NAV2: variants seen among roughly 807,000 people sequenced by gnomAD.
NAV2 encodes the protein neuron navigator 2, also known as helicase, APC down-regulated 1.
Under a neutral mutation model 223.2 loss-of-function variants are expected in NAV2, and 54 were observed. The observed-to-expected ratio is 0.24, with a 90% confidence interval of 0.19 to 0.30. The LOEUF (loss-of-function observed/expected upper bound fraction) is 0.30, where lower values mean the gene tolerates loss of function less well. Among genes scored for constraint, NAV2 ranks in the 10% least tolerant of loss-of-function variants. The pLI is 1.00. For synonymous variants in NAV2, 1,279 were observed against 1,239.3 expected, an observed-to-expected ratio of 1.03 and a Z score of -0.67; for missense variants, 2,806 against 3,147.5, an observed-to-expected ratio of 0.89 and a Z score of 2.60.
chr11:19,354,737 A>G (rs2133733762), intron 1 of NAV2, among the ~76,000 whole-genome samples: 1 of 152,312 alleles, frequency 6.6e-6, no homozygotes, highest in East Asian at 1.9e-4. Context: ...TCTTGCCCCA[A>G]GAGGATGAGC....
At chr11:19,423,955 C>T (rs1365648655) in intron 1 of NAV2, among the ~76,000 whole-genome samples, 2 of 152,138 alleles carry the variant, frequency 1.3e-5, no homozygotes, top group African/African-American at 2.4e-5. Flanking sequence ...TAGATCCAAG[C>T]CCACTCCCCA....
rs542714907 is a variant in NAV2, at chr11:20,087,191, C to T, written c.5499-3674C>T. Among the ~76,000 whole-genome samples, 7 of 152,098 alleles carry T rather than the reference C, an allele frequency of 4.6e-5. No homozygotes were observed. In the East Asian group the frequency reaches 7.7e-4, roughly 17 times the overall value. On this transcript the variant is annotated intron_variant, in intron 26 of 37. Transcript: ENST00000349880. The stretch of plus-strand genomic sequence containing the variant: ...AGGAACGGGGCCAGATGCTGCTGGG[C>T]GGCCAAGTAAGATGAGCAGAGAGAG...
intron 1 of NAV2, among the ~76,000 whole-genome samples, chr11:19,782,745 T>C (rs1398946114): frequency 1.3e-5 from 2 of 152,132 alleles, no homozygotes; most frequent in Non-Finnish European, 2.9e-5. Flanking sequence ...CTGTTTCTAA[T>C]ATAAGAGCAA....
intron 3 of NAV2, among the ~76,000 whole-genome samples, chr11:19,853,358 G>T (rs72633000): frequency 0.15 from 22,549 of 152,190 alleles, 1,737 homozygotes; most frequent in African/African-American, 0.18. Flanking sequence ...AAAGTTAATA[G>T]GAGGGAATCC....
Position 20,044,038 on chromosome 11 carries a change from G to A in NAV2, c.2965G>A (p.Val989Ile). ...GAATTCCCTGTGGTCTGGTGATGAT[G>A]TCAAGAAATCAGACGGAGGCTCAGA... ...ERNSLWSGDDVKKSDGGSDSG... is the reference protein window; with the variant it reads ...ERNSLWSGDDIKKSDGGSDSG... The change falls in exon 13 of 38, where the codon GTC (valine) becomes ATC (isoleucine). Residue 989 changes from valine to isoleucine, a missense_variant. Transcript: ENST00000349880. The A allele has an allele frequency of 6.2e-7, 1 of 1,614,190 alleles. No homozygotes were observed. The highest frequency in any genetic ancestry group is 8.5e-7 in the Non-Finnish European group (1 of 1,180,020).
intron 1 of NAV2, among the ~76,000 whole-genome samples, chr11:19,767,607 A>G (rs1240202185): frequency 6.6e-6 from 1 of 152,244 alleles, no homozygotes; most frequent in African/African-American, 2.4e-5. Context: ...TTCAATGAGC[A>G]CTGATCATGT....
upstream of NAV2, among the ~76,000 whole-genome samples, chr11:19,347,558 G>A (rs1240392679): frequency 1.3e-5 from 2 of 152,186 alleles, no homozygotes; most frequent in Non-Finnish European, 2.9e-5. Context: ...TTCAGTAAGA[G>A]TGGGCTTGTC....
chr11:19,892,997 G>T (rs545923474), intron 6 of NAV2, among the ~76,000 whole-genome samples: 11 of 152,274 alleles, frequency 7.2e-5, no homozygotes, highest in African/African-American at 2.6e-4. Flanking sequence ...AATAATGTGA[G>T]GGGAGTTAGG....
rs114319495 is a variant in NAV2, at chr11:19,951,618, A to G, written c.2645+2538A>G. Among the ~76,000 whole-genome samples the G allele has an allele frequency of 2.5e-3, 382 of 152,230 alleles. 4 individuals carry two copies. The highest frequency in any genetic ancestry group is 8.8e-3 in the African/African-American group (365 of 41,518). ...ATTGTCGAACCAGTCTTTCAATTCT[A>G]AAAAGATGGCCAGTGAATTCATTTT... On this transcript the variant is annotated intron_variant, in intron 10 of 37. Transcript: ENST00000349880.
chr11:19,646,752 A>G (rs1270668997), intron 1 of NAV2, among the ~76,000 whole-genome samples: 1 of 152,180 alleles, frequency 6.6e-6, no homozygotes, highest in African/African-American at 2.4e-5. Context: ...TCACCTTATC[A>G]ACAACATTGT....
intron 1 of NAV2, among the ~76,000 whole-genome samples, chr11:19,405,992 G>A (rs1244072750): frequency 6.6e-6 from 1 of 152,216 alleles, no homozygotes; most frequent in Non-Finnish European, 1.5e-5. Flanking sequence ...CAGAAGCATG[G>A]CATTGGTCGG....
At chr11:19,953,221 C>A (rs1234938891) in intron 10 of NAV2, among the ~76,000 whole-genome samples, 1 of 152,080 alleles carries the variant, frequency 6.6e-6, no homozygotes, top group Non-Finnish European at 1.5e-5. Context: ...AAAAAATGAC[C>A]CTTTAAATAT....
intron 1 of NAV2, among the ~76,000 whole-genome samples, chr11:19,555,012 CAAA>C (rs66625282): frequency 6.4e-5 from 9 of 141,528 alleles, no homozygotes; most frequent in Admixed American, 1.4e-4. Context: ...CCATGTTTTG[CAAA>C]AAAAAAAAAA....
chr11:19,676,373 A>G lies in NAV2; in HGVS notation c.76-156111A>G, dbSNP rs575904210. Among the ~76,000 whole-genome samples, 7 of 152,324 alleles carry G rather than the reference A, an allele frequency of 4.6e-5. No homozygotes were observed. In the East Asian group the frequency reaches 1.3e-3, roughly 29 times the overall value. ...CTTCCATATTCTCATTTGCAAAATG[A>G]AGATAATACTACCAATCCTAGTGAT... On this transcript the variant is annotated intron_variant, in intron 1 of 37. Coordinates refer to the NAV2 transcript ENST00000360655.
chr11:19,678,671 G>A (rs781066834), intron 1 of NAV2, among the ~76,000 whole-genome samples: 3 of 152,178 alleles, frequency 2.0e-5, no homozygotes, highest in Non-Finnish European at 4.4e-5. Flanking sequence ...TGGCAGTGTC[G>A]AAAGAGAAGC....
intron 7 of NAV2, among the ~76,000 whole-genome samples, chr11:19,935,446 G>A (rs528892824): frequency 1.1e-4 from 16 of 152,140 alleles, no homozygotes; most frequent in African/African-American, 1.7e-4. Context: ...GTGCATACCC[G>A]TATTTACATA....
At chr11:19,461,638 G>A (rs1362640691) in intron 1 of NAV2, among the ~76,000 whole-genome samples, 1 of 152,294 alleles carries the variant, frequency 6.6e-6, no homozygotes, top group Non-Finnish European at 1.5e-5. Flanking sequence ...TTTAGATCAT[G>A]TTTCTTTTCA....
chr11:19,931,467 G>A (rs1251846997), intron 6 of NAV2, among the ~76,000 whole-genome samples: 1 of 152,192 alleles, frequency 6.6e-6, no homozygotes, highest in Non-Finnish European at 1.5e-5. Flanking sequence ...AGCTCTCACG[G>A]CACGGTGCTC....
At chr11:19,431,772 C>T (rs577223504) in intron 1 of NAV2, among the ~76,000 whole-genome samples, 1 of 152,302 alleles carries the variant, frequency 6.6e-6, no homozygotes, top group South Asian at 2.1e-4. Flanking sequence ...TATAGTAAGC[C>T]AAGATTTGCA....
Sources: allele counts gnomAD v4.1 joint callset (sites outside exome capture counted in the v4.1 genomes callset), GRCh38; gene constraint gnomAD v4.1.1; transcripts MANE v1.5; gene names NCBI Gene and HGNC (gene_info 2026-07-23, HGNC 2026-07-21).